Variants in COL19A1 observed in about 807,000 individuals in gnomAD.
The protein encoded by COL19A1 is collagen alpha-1(XIX) chain.
COL19A1 carries 159 observed loss-of-function variants against 190.2 expected under a neutral mutation model. The ratio of observed to expected loss-of-function variants is 0.84; its 90% CI spans 0.73 to 0.95. The LOEUF is 0.95. Ranked by LOEUF, COL19A1 falls within the 40% of genes least tolerant of loss-of-function variation. COL19A1 has a pLI of 0.00. For missense variants in COL19A1, 1,418 were observed against 1,431.9 expected (o/e 0.99, Z 0.16); for synonymous variants, 509 against 458.9 (o/e 1.11, Z -1.39).
intron 11 of COL19A1, among the ~76,000 whole-genome samples, chr6:69,978,649 A>G (rs1464365084): frequency 6.6e-6 from 1 of 151,696 alleles, no homozygotes; most frequent in South Asian, 2.1e-4. Context: ...AAATATAAAA[A>G]TAATGAAAAT....
At chr6:69,999,666 G>C (rs989971465) in intron 11 of COL19A1, among the ~76,000 whole-genome samples, 3 of 152,086 alleles carry the variant, frequency 2.0e-5, no homozygotes, top group African/African-American at 7.2e-5. Context: ...TAAATACATT[G>C]GGTCAATATA....
chr6:70,117,650 C>G (rs777609791), intron 16 of COL19A1, among the ~76,000 whole-genome samples: 4 of 152,166 alleles, frequency 2.6e-5, no homozygotes, highest in Non-Finnish European at 5.9e-5. Flanking sequence ...AATTATGAAT[C>G]AGTACAGTTA....
At chr6:69,936,633 TA>T in intron 7 of COL19A1, 151 bp from the exon 8 acceptor site, 1 of 921,396 alleles carries the variant, frequency 1.1e-6, no homozygotes, top group Non-Finnish European at 1.6e-6. Flanking sequence ...AAAAGTGTGA[TA>T]AACATTCTCA....
chr6:70,184,730 G>C lies in COL19A1; in HGVS notation c.2803G>C (p.Gly935Arg), dbSNP rs932966060. 1 of 1,599,802 alleles carries C rather than the reference G, an allele frequency of 6.3e-7. No individual in the cohort carries two copies. Among genetic ancestry groups the C allele is most frequent in the Non-Finnish European group, 8.6e-7 (1 of 1,169,132 alleles). ...PGINGKDGIP[G>R]AQGIMGKPGD... is the part of the protein sequence containing the mutation. ...AATAAATGGAAAAGATGGAATACCA[G>C]GTGCTCAGGTATGGGAAATATGATT... Residue 935 changes from glycine (G) to arginine (R), a missense_variant, in exon 45 of 51, where the codon GGT becomes CGT. By Grantham distance (125) the Gly-to-Arg change is moderately radical. Coordinates refer to ENST00000620364, the MANE Select transcript of COL19A1 (RefSeq NM_001858.6).
chr6:70,204,641 G>T (rs1184885270), intron 49 of COL19A1, among the ~76,000 whole-genome samples: 1 of 152,142 alleles, frequency 6.6e-6, no homozygotes, highest in Admixed American at 6.5e-5. Flanking sequence ...TCTGAGAGCT[G>T]AACTTAAATG....
At chr6:70,164,158 C>T (rs903558326) in intron 36 of COL19A1, among the ~76,000 whole-genome samples, 1 of 152,150 alleles carries the variant, frequency 6.6e-6, no homozygotes, top group Non-Finnish European at 1.5e-5. Context: ...ACCAGGATAG[C>T]TTGTTTCCTG....
rs1768017690 is a variant in COL19A1, at chr6:70,208,430, T to C, written c.*1156T>C. 1 of 152,246 alleles carries C rather than the reference T, an allele frequency of 6.6e-6. No homozygotes were observed. The highest frequency in any genetic ancestry group is 1.5e-5 in the Non-Finnish European group (1 of 68,058). 9.4% of individuals were successfully genotyped at this position (152,246 alleles called of 1,614,324 possible). On this transcript the variant is annotated 3_prime_UTR_variant, in exon 51 of 51. Coordinates refer to ENST00000620364, the MANE Select transcript of COL19A1 (RefSeq NM_001858.6). ...AAAACCACAGGACTGGATATGCAAC[T>C]AGTGCTCAGACCAAAGAGTTCACAC... is the stretch of plus-strand genomic sequence containing the variant.
At chr6:69,905,935 A>C (rs755244102) in intron 4 of COL19A1, among the ~76,000 whole-genome samples, 2 of 152,186 alleles carry the variant, frequency 1.3e-5, no homozygotes, top group Non-Finnish European at 2.9e-5. Flanking sequence ...TTGGCTTCTT[A>C]TATCTCCAAG....
At chr6:70,172,807 C>G (rs922567886) in intron 41 of COL19A1, among the ~76,000 whole-genome samples, 1 of 152,166 alleles carries the variant, frequency 6.6e-6, no homozygotes, top group Non-Finnish European at 1.5e-5. Flanking sequence ...AATGCAGAGC[C>G]ATCGGTGATT....
chr6:69,876,064 T>G (rs1768111271), intron 1 of COL19A1, among the ~76,000 whole-genome samples: 1 of 152,056 alleles, frequency 6.6e-6, no homozygotes, highest in Non-Finnish European at 1.5e-5. Flanking sequence ...AAGGAAAGAA[T>G]TGTCGGCTAT....
chr6:70,110,584 A>G (rs374653347), intron 16 of COL19A1, among the ~76,000 whole-genome samples: 1 of 152,198 alleles, frequency 6.6e-6, no homozygotes, highest in East Asian at 1.9e-4. Flanking sequence ...CAACATTGCT[A>G]AAATTCCAGT....
At chr6:69,978,381 CA>C (rs953474315) in intron 11 of COL19A1, among the ~76,000 whole-genome samples, 3 of 150,504 alleles carry the variant, frequency 2.0e-5, no homozygotes, top group African/African-American at 2.4e-5. Flanking sequence ...ATTCTTTGGA[CA>C]AAAAAAATAA....
intron 9 of COL19A1, among the ~76,000 whole-genome samples, chr6:69,952,706 C>A (rs1774193904): frequency 6.6e-6 from 1 of 151,970 alleles, no homozygotes. Context: ...CTGAATGAGG[C>A]AGATCCATTG....
chr6:70,115,973 T>A (rs1217318963), intron 16 of COL19A1, among the ~76,000 whole-genome samples: 6 of 152,030 alleles, frequency 3.9e-5, no homozygotes, highest in African/African-American at 9.6e-5. Context: ...CTGAAAAAAA[T>A]TTCATTTTGA....
intron 6 of COL19A1, among the ~76,000 whole-genome samples, chr6:69,930,125 T>A (rs372866709): frequency 6.6e-6 from 1 of 152,200 alleles, no homozygotes; most frequent in African/African-American, 2.4e-5. Context: ...ATCCTTACAA[T>A]AGCAATTACT....
intron 11 of COL19A1, among the ~76,000 whole-genome samples, chr6:70,007,532 C>A (rs1379600008): frequency 6.6e-6 from 1 of 151,782 alleles, no homozygotes. Flanking sequence ...GAAGATATAG[C>A]AATTATTATT....
intron 12 of COL19A1, among the ~76,000 whole-genome samples, chr6:70,031,190 C>T (rs1333701827): frequency 1.3e-5 from 2 of 152,008 alleles, no homozygotes; most frequent in African/African-American, 4.8e-5. Flanking sequence ...GACCTCTGTG[C>T]TTCTTTTTCC....
At chr6:70,185,455 A>G (rs1005549069) in intron 46 of COL19A1, among the ~76,000 whole-genome samples, 1 of 152,222 alleles carries the variant, frequency 6.6e-6, no homozygotes, top group African/African-American at 2.4e-5. Flanking sequence ...ACATGCAGAA[A>G]AACTAAGTAG....
chr6:69,980,787 G>T (rs1425465589), intron 11 of COL19A1, among the ~76,000 whole-genome samples: 1 of 152,210 alleles, frequency 6.6e-6, no homozygotes, highest in African/African-American at 2.4e-5. Flanking sequence ...CTGGTAGTCA[G>T]TGATATGTAA....
Sources: allele counts gnomAD v4.1 joint callset (sites outside exome capture counted in the v4.1 genomes callset), GRCh38; gene constraint gnomAD v4.1.1; transcripts MANE v1.5; gene names NCBI Gene and HGNC (gene_info 2026-07-23, HGNC 2026-07-21).